The following MIGA1 variants were observed in gnomAD, a reference collection of about 807,000 sequenced individuals.
MIGA1 encodes family with sequence similarity 73, member A.
MIGA1 carries 58 observed loss-of-function variants against 82.0 expected under a neutral mutation model. The observed-to-expected ratio is 0.71, with a 90% CI of 0.57 to 0.88. The LOEUF is 0.88. Among genes scored for constraint, MIGA1 ranks in the 40% least tolerant of loss-of-function variants. MIGA1 has a pLI of 0.00. For synonymous variants in MIGA1, 249 were observed against 253.6 expected (o/e 0.98, Z 0.17); for missense variants, 751 against 749.1 (o/e 1.00, Z -0.03).
intron 4 of MIGA1, among the ~76,000 whole-genome samples, chr1:77,804,259 T>C (rs1463322505): frequency 6.6e-6 from 1 of 152,152 alleles, no homozygotes; most frequent in Non-Finnish European, 1.5e-5. Flanking sequence ...CAGTATTGAC[T>C]GACAAGCAGG....
chr1:77,871,747 G>A (rs1406217408), intron 14 of MIGA1, among the ~76,000 whole-genome samples: 1 of 152,052 alleles, frequency 6.6e-6, no homozygotes, highest in African/African-American at 2.4e-5. Flanking sequence ...ACAATTAAAT[G>A]CTTAAATAAT....
At position 77,873,025 on chromosome 1, in the gene MIGA1, C is replaced by T; in HGVS notation, c.1585C>T (p.His529Tyr). 1.2e-6 allele frequency: 2 copies of T among 1,613,818 alleles called. No homozygotes were observed. The highest frequency in any genetic ancestry group is 1.7e-6 in the Non-Finnish European group (2 of 1,179,946). ...GCAGATCCCAGATGGATTTTTTGCC[C>T]ATTTTTATGCCATTTGTGAACACAT... The change falls in exon 15 of 16, where the codon CAT becomes TAT. Residue 529 changes from histidine (H) to tyrosine (Y), a missense_variant. Coordinates refer to ENST00000370791, the MANE Select transcript of MIGA1 (RefSeq NM_198549.4).
intron 7 of MIGA1, among the ~76,000 whole-genome samples, chr1:77,828,724 G>A (rs1217456442): frequency 3.9e-5 from 6 of 152,200 alleles, no homozygotes; most frequent in African/African-American, 1.2e-4. Context: ...CCAGGCTGGA[G>A]TGCAGTGGTG....
At chr1:77,789,059 T>A (rs1324252099) in intron 2 of MIGA1, among the ~76,000 whole-genome samples, 1 of 152,074 alleles carries the variant, frequency 6.6e-6, no homozygotes. Context: ...TGTTTCTGTT[T>A]ATTCATGTTT....
At chr1:77,819,307 C>T (rs908263310) in intron 7 of MIGA1, among the ~76,000 whole-genome samples, 12 of 151,862 alleles carry the variant, frequency 7.9e-5, no homozygotes, top group African/African-American at 2.4e-4. Flanking sequence ...TTCCCTTTTT[C>T]CTTTTCACTC....
rs1298554609 is a variant in MIGA1, at chr1:77,877,961, GGTAAGA to G, written c.*2900_*2905del. The G allele has an allele frequency of 6.6e-6, 1 of 152,298 alleles. No homozygotes were observed. The highest frequency in any genetic ancestry group is 1.5e-5 in the Non-Finnish European group (1 of 68,024). 9.4% of individuals were successfully genotyped at this position (152,298 alleles called of 1,614,324 possible). The stretch of plus-strand genomic sequence containing the variant: ...GCAAGATGTGGCCTTTCACAAAAGA[GGTAAGA>G]GTGACCAAATAGAATTTTAGGACAA... On this transcript the variant is annotated 3_prime_UTR_variant, in exon 16 of 16. Coordinates refer to ENST00000370791, the MANE Select transcript of MIGA1 (RefSeq NM_198549.4).
intron 2 of MIGA1, among the ~76,000 whole-genome samples, chr1:77,788,185 T>C (rs1001820107): frequency 6.6e-6 from 1 of 152,206 alleles, no homozygotes; most frequent in African/African-American, 2.4e-5. Flanking sequence ...GTATTTTTAA[T>C]AGAGATGGGG....
At chr1:77,870,095 C>G (rs1685882493) in intron 14 of MIGA1, among the ~76,000 whole-genome samples, 1 of 98,018 alleles carries the variant, frequency 1.0e-5, no homozygotes, top group Non-Finnish European at 2.3e-5. Context: ...GGGGGGCTGA[C>G]CCCCCCACCT....
intron 7 of MIGA1, among the ~76,000 whole-genome samples, chr1:77,841,580 AC>A (rs1032046691): frequency 6.6e-6 from 1 of 150,926 alleles, no homozygotes; most frequent in African/African-American, 2.4e-5. Context: ...AAAAAAAAAA[AC>A]CCATACTTCC....
intron 2 of MIGA1, among the ~76,000 whole-genome samples, chr1:77,788,574 G>A (rs1345653828): frequency 2.0e-5 from 3 of 152,058 alleles, no homozygotes; most frequent in Non-Finnish European, 4.4e-5. Context: ...TGCCAAATCC[G>A]ATGTTGTGAA....
intron 13 of MIGA1, among the ~76,000 whole-genome samples, chr1:77,866,081 T>A (rs1443783204): frequency 6.6e-6 from 1 of 151,912 alleles, no homozygotes; most frequent in Non-Finnish European, 1.5e-5. Flanking sequence ...CCCAGCTAAT[T>A]TTGTTTTGCA....
rs536966495 is a variant in MIGA1, at chr1:77,848,597, C to G, written c.996+5190C>G. On this transcript the variant is annotated intron_variant, in intron 8 of 15. Transcript: ENST00000370791. ...AAAGAAGGAAACCAGGAGAAACCCT[C>G]TAATTCTGAATCATCACTGGGAGCA... 29 of 1,410,044 alleles carry G rather than the reference C, an allele frequency of 2.1e-5. No homozygotes were observed. In the South Asian group the frequency reaches 3.3e-4, roughly 16 times the overall value. The allele number at this position is 1,410,044 out of a possible 1,614,324, so 87.3% of individuals were successfully genotyped here. A position where few individuals can be genotyped will look rare whatever the true frequency, so the allele number is the denominator to read the frequency against.
At chr1:77,833,455 GA>G (rs1451589007) in intron 7 of MIGA1, among the ~76,000 whole-genome samples, 1 of 152,204 alleles carries the variant, frequency 6.6e-6, no homozygotes, top group Non-Finnish European at 1.5e-5. Flanking sequence ...TGGGGTCCCA[GA>G]AACATGAGAA....
intron 4 of MIGA1, among the ~76,000 whole-genome samples, chr1:77,806,504 G>T (rs575522109): frequency 1.3e-5 from 2 of 152,218 alleles, no homozygotes; most frequent in East Asian, 3.8e-4. Context: ...AGAATCATCT[G>T]CATAGAGGTG....
chr1:77,863,963 A>G lies in MIGA1; in HGVS notation c.1444A>G (p.Asn482Asp). The G allele has an allele frequency of 1.2e-6, 2 of 1,606,326 alleles. No homozygotes were observed. The highest frequency in any genetic ancestry group is 1.7e-6 in the Non-Finnish European group (2 of 1,178,116). Residue 482 changes from asparagine (N) to aspartate (D), a missense_variant, in exon 13 of 16, where the codon AAC becomes GAC. Physicochemically the swap from Asn to Asp is conservative, Grantham distance 23. Transcript: ENST00000370791. Reference sequence around the variant, plus strand: ...AATGGACTCCTTTGAAGATTTGGAAAACCCACCCACATCCATACAGAATGT... The same window carrying G: ...AATGGACTCCTTTGAAGATTTGGAAGACCCACCCACATCCATACAGAATGT...
chr1:77,829,181 A>C (rs548099366), intron 7 of MIGA1, among the ~76,000 whole-genome samples: 1 of 152,198 alleles, frequency 6.6e-6, no homozygotes, highest in Non-Finnish European at 1.5e-5. Context: ...GCACTTTGGG[A>C]GGCCAAGGTG....
intron 2 of MIGA1, among the ~76,000 whole-genome samples, chr1:77,784,662 A>G (rs571991225): frequency 6.6e-6 from 1 of 152,218 alleles, no homozygotes; most frequent in Admixed American, 6.5e-5. Context: ...GTTATTTTCT[A>G]TTTCATTGAT....
In MIGA1 at chr1:77,815,107, G is replaced by T; in HGVS notation, c.772-1G>T. 6.5e-7 allele frequency: 1 copy of T among 1,549,524 alleles called. No individual in the cohort carries two copies. The highest frequency in any genetic ancestry group is 1.9e-5 in the Admixed American group (1 of 52,978). On this transcript the variant is annotated splice_acceptor_variant, in intron 6 of 15. Transcript: ENST00000370791. LOFTEE classifies it high-confidence loss of function. ...TCTGTGTACTTTTTCTCTCCTTGTA[G>T]GATATTATTAGTACTGAATTTATCC... is the stretch of plus-strand genomic sequence containing the variant.
At chr1:77,850,589 CA>C (rs1344636228) in intron 8 of MIGA1, among the ~76,000 whole-genome samples, 2 of 152,176 alleles carry the variant, frequency 1.3e-5, no homozygotes, top group Non-Finnish European at 2.9e-5. Flanking sequence ...AAACTTCAGA[CA>C]TTTCATTCAT....
Sources: allele counts gnomAD v4.1 joint callset (sites outside exome capture counted in the v4.1 genomes callset), GRCh38; gene constraint gnomAD v4.1.1; transcripts MANE v1.5; gene names NCBI Gene and HGNC (gene_info 2026-07-23, HGNC 2026-07-21).